The following C1QTNF9 variants were observed in gnomAD, a reference collection of about 807,000 sequenced individuals.
C1QTNF9 encodes C1q and TNF related 9.
Under a neutral mutation model 10.1 loss-of-function variants are expected in C1QTNF9, and 6 were observed. The ratio of observed to expected loss-of-function variants is 0.59; its 90% CI spans 0.32 to 1.17. The LOEUF (loss-of-function observed/expected upper bound fraction) is 1.17. C1QTNF9 is among the 50% of genes most tolerant of loss of function. The pLI is 0.04. For synonymous variants in C1QTNF9, 98 were observed against 163.5 expected (o/e 0.60, Z 3.06); for missense variants, 201 against 418.8 (o/e 0.48, Z 4.54).
At chr13:24,316,487 T>C (rs1450862184) in intron 2 of C1QTNF9, among the ~76,000 whole-genome samples, 1 of 152,206 alleles carries the variant, frequency 6.6e-6, no homozygotes, top group African/African-American at 2.4e-5. Flanking sequence ...GTATACGATG[T>C]CATGGATCCT....
chr13:24,318,071 A>G (rs1285994542), intron 2 of C1QTNF9, among the ~76,000 whole-genome samples: 2 of 152,122 alleles, frequency 1.3e-5, no homozygotes, highest in Non-Finnish European at 2.9e-5. Flanking sequence ...GGTCTGAAGT[A>G]TGGGAGTCTC....
At chr13:24,312,330 A>AG (rs1877859451) in intron 1 of C1QTNF9, among the ~76,000 whole-genome samples, 1 of 151,892 alleles carries the variant, frequency 6.6e-6, no homozygotes, top group African/African-American at 2.4e-5. Context: ...TGTGGTGTAC[A>AG]GAGTAAGTGG....
At chr13:24,312,809 C>T (rs538243173) in intron 1 of C1QTNF9, among the ~76,000 whole-genome samples, 2 of 151,876 alleles carry the variant, frequency 1.3e-5, no homozygotes, top group African/African-American at 2.4e-5. Flanking sequence ...CAAAAAATTA[C>T]CCGGGCATGG....
rs148122727 is a variant in C1QTNF9 at position 24,316,209 on chromosome 13, C to T, written c.166+40C>T. On this transcript the variant is annotated intron_variant, in intron 2 of 3. Transcript: ENST00000332018. ...GCTTCGGCTGCCTTTCAACTTCTCT[C>T]TTCATTCCTTTCATCTCATTCACTC... is the stretch of plus-strand genomic sequence containing the variant. The T allele has an allele frequency of 2.1e-5, 32 of 1,509,026 alleles. 2 individuals carry two copies. The African/African-American group carries it at 2.5e-4, about 12-fold the overall frequency. 93.5% of individuals were successfully genotyped at this position (1,509,026 alleles called of 1,614,324 possible).
At chr13:24,314,738 G>A (rs1251074593) in intron 1 of C1QTNF9, among the ~76,000 whole-genome samples, 2 of 152,094 alleles carry the variant, frequency 1.3e-5, no homozygotes, top group African/African-American at 4.8e-5. Context: ...CAGCTACTTG[G>A]GAGGTTGAAG....
At chr13:24,309,935 G>T (rs1346532682) in intron 1 of C1QTNF9, among the ~76,000 whole-genome samples, 5 of 152,038 alleles carry the variant, frequency 3.3e-5, no homozygotes, top group Admixed American at 6.6e-5. Context: ...TTGCTCTGTC[G>T]CCCAGGCTGG....
At chr13:24,317,654 C>T (rs1011063711) in intron 2 of C1QTNF9, among the ~76,000 whole-genome samples, 2 of 151,942 alleles carry the variant, frequency 1.3e-5, no homozygotes, top group South Asian at 2.1e-4. Context: ...AACATATTTT[C>T]CATATACTAC....
At chr13:24,317,560 GATATTC>G (rs1208203034) in intron 2 of C1QTNF9, among the ~76,000 whole-genome samples, 2 of 151,752 alleles carry the variant, frequency 1.3e-5, no homozygotes, top group African/African-American at 2.4e-5. Context: ...TTCTTAGAAG[GATATTC>G]ATTCACATTG....
At chr13:24,312,701 A>T (rs1877876175) in intron 1 of C1QTNF9, among the ~76,000 whole-genome samples, 1 of 152,146 alleles carries the variant, frequency 6.6e-6, no homozygotes, top group South Asian at 2.1e-4. Context: ...TCACACCTGT[A>T]ATCCCAGCAC....
intron 1 of C1QTNF9, among the ~76,000 whole-genome samples, chr13:24,313,413 GA>G (rs1386700283): frequency 6.6e-6 from 1 of 152,144 alleles, no homozygotes; most frequent in Non-Finnish European, 1.5e-5. Context: ...TCCACATTTT[GA>G]AAAGTTAAAA....
chr13:24,315,814 G>T, intron 1 of C1QTNF9, 168 bp from the exon 2 acceptor site: 4 of 664,264 alleles, frequency 6.0e-6, no homozygotes, highest in Non-Finnish European at 1.0e-5. Context: ...GTGTCATTCT[G>T]GTTATAATCA....
chr13:24,309,678 C>A (rs745416570), intron 1 of C1QTNF9, 62 bp downstream of exon 1: 9 of 152,100 alleles, frequency 5.9e-5, no homozygotes, highest in Non-Finnish European at 1.3e-4. Context: ...CCTAAAACAA[C>A]GCTTATATTA....
intron 1 of C1QTNF9, among the ~76,000 whole-genome samples, chr13:24,314,454 A>G (rs1187461014): frequency 6.6e-6 from 1 of 152,118 alleles, no homozygotes; most frequent in Admixed American, 6.5e-5. Context: ...AGGCCAAGAC[A>G]GGCAGATCAC....
upstream of C1QTNF9, among the ~76,000 whole-genome samples, chr13:24,309,267 A>G (rs1877719501): frequency 7.1e-6 from 1 of 141,110 alleles, no homozygotes. Flanking sequence ...GCACATGTAC[A>G]CTAGAACTTA....
intron 1 of C1QTNF9, among the ~76,000 whole-genome samples, chr13:24,311,289 T>G (rs566367688): frequency 6.6e-6 from 1 of 152,326 alleles, no homozygotes; most frequent in East Asian, 1.9e-4. Context: ...AGGACAGATA[T>G]AGGTAAAGAA....
exon 4 of C1QTNF9, chr13:24,321,833 A>G (rs1878289173): frequency 6.8e-7 from 1 of 1,479,144 alleles, no homozygotes; most frequent in Non-Finnish European, 9.0e-7. Flanking sequence ...ACTTATTCAG[A>G]TGGTTTTACT....
chr13:24,314,575 G>A (rs1484202818), intron 1 of C1QTNF9, among the ~76,000 whole-genome samples: 2 of 152,060 alleles, frequency 1.3e-5, no homozygotes, highest in East Asian at 1.9e-4. Context: ...CCAGCTACTT[G>A]AGAAGCCGAA....
rs10650509 is a variant in C1QTNF9 at position 24,312,366 on chromosome 13, T to TAAGA, written c.-23+2750_-23+2751insAAGA. ...GGACTGGGGAGGACAGTAATTCAGATGAGAGAGAGAGTGGATGATTGCAGG... is the reference window on the plus strand; with the variant it reads ...GGACTGGGGAGGACAGTAATTCAGATAAGAGAGAGAGAGAGTGGATGATTGCAGG... On this transcript the variant is annotated intron_variant, in intron 1 of 3. Transcript: ENST00000332018. Among the ~76,000 whole-genome samples, 56 of 151,676 alleles carry TAAGA rather than the reference T, an allele frequency of 3.7e-4. 1 individual carries two copies. The East Asian group carries it at 8.0e-3, about 22-fold the overall frequency.
chr13:24,313,701 T>C (rs1257972810), intron 1 of C1QTNF9, among the ~76,000 whole-genome samples: 1 of 152,238 alleles, frequency 6.6e-6, no homozygotes, highest in East Asian at 1.9e-4. Context: ...AGAGTCTTGC[T>C]GGTTTTCAAA....
Sources: gnomAD v4.1 joint callset for allele counts (sites outside exome capture counted in the v4.1 genomes callset) on GRCh38, gnomAD v4.1.1 for gene constraint, MANE v1.5 for transcripts, NCBI Gene and HGNC (gene_info 2026-07-23, HGNC 2026-07-21) for gene names.